The following FAM174B variants were observed in gnomAD, a reference collection of about 807,000 sequenced individuals.
FAM174B encodes the protein membrane protein FAM174B.
FAM174B carries 12 observed loss-of-function variants against 10.9 expected under a neutral mutation model. The observed-to-expected ratio is 1.10, with a 90% confidence interval of 0.71 to 1.79. FAM174B has a LOEUF of 1.79. Among genes scored for constraint, FAM174B ranks in the 40% most tolerant of loss-of-function variants. The probability of loss-of-function intolerance (pLI) is 0.00; values close to 1 mark genes in which losing one functional copy is unlikely to be tolerated. For synonymous variants in FAM174B, 132 were observed against 115.8 expected, an observed-to-expected ratio of 1.14 and a Z score of -0.90; for missense variants, 266 against 233.3, an observed-to-expected ratio of 1.14 and a Z score of -0.91.
chr15:92,630,852 C>CGTGTT lies in FAM174B; in HGVS notation c.345-508_345-507insAACAC, dbSNP rs1290375407. Among the ~76,000 whole-genome samples, 2 of 49,106 alleles carry CGTGTT rather than the reference C, an allele frequency of 4.1e-5. 1 individual carries two copies. The highest frequency in any genetic ancestry group is 1.3e-4 in the Non-Finnish European group (2 of 15,970). 32.2% of individuals were successfully genotyped at this position (49,106 alleles called of 152,430 possible). ...TATATATTATATATATTACATATTA[C>CGTGTT]ATGTTACATATTACATATTATATAT... On this transcript the variant is annotated intron_variant, in intron 1 of 2. Transcript: ENST00000327355.
chr15:92,630,890 A>ATTACATG (rs2050793240), intron 1 of FAM174B, among the ~76,000 whole-genome samples: 1 of 33,934 alleles, frequency 2.9e-5, no homozygotes, highest in African/African-American at 6.2e-5. Flanking sequence ...TATATTACGT[A>ATTACATG]TTACATATTA....
intron 1 of FAM174B, among the ~76,000 whole-genome samples, chr15:92,643,209 C>A (rs958661235): frequency 4.6e-5 from 7 of 151,872 alleles, no homozygotes; most frequent in Non-Finnish European, 2.9e-5. Context: ...ATCAAGCAAT[C>A]CTCCCATCTT....
chr15:92,654,398 G>C (rs2062173637), intron 1 of FAM174B, among the ~76,000 whole-genome samples: 1 of 152,190 alleles, frequency 6.6e-6, no homozygotes, highest in South Asian at 2.1e-4. Context: ...TAACAGGACA[G>C]GTTTGGTTCA....
intron 1 of FAM174B, among the ~76,000 whole-genome samples, chr15:92,640,377 C>T (rs1198686253): frequency 6.6e-6 from 1 of 151,684 alleles, no homozygotes; most frequent in African/African-American, 2.4e-5. Context: ...CATGGTGAAA[C>T]CCCATCTCTA....
intron 2 of FAM174B, among the ~76,000 whole-genome samples, chr15:92,627,882 G>C (rs1165127132): frequency 2.5e-4 from 38 of 152,266 alleles, no homozygotes; most frequent in Admixed American, 2.2e-3. Flanking sequence ...CAGATAAAAT[G>C]GCTTAGCGAT....
intron 1 of FAM174B, chr15:92,634,351 G>C (rs775388429): frequency 6.6e-6 from 1 of 152,244 alleles, no homozygotes; most frequent in Non-Finnish European, 1.5e-5. Flanking sequence ...ATTGGCCCTG[G>C]GGCAGGACTG....
At chr15:92,651,414 G>T (rs1217810696) in intron 1 of FAM174B, among the ~76,000 whole-genome samples, 1 of 152,118 alleles carries the variant, frequency 6.6e-6, no homozygotes, top group Non-Finnish European at 1.5e-5. Flanking sequence ...GATTGTAAAA[G>T]AATTCAAACT....
intron 2 of FAM174B, among the ~76,000 whole-genome samples, chr15:92,629,051 G>T (rs972830215): frequency 6.6e-6 from 1 of 152,158 alleles, no homozygotes. Flanking sequence ...GTCTTGTTGA[G>T]TCTGACAACT....
At position 92,655,634 on chromosome 15, in the gene FAM174B, G is replaced by C. The variant is rs1268152496; in HGVS notation, c.26C>G (p.Pro9Arg). The C allele has an allele frequency of 1.0e-5, 13 of 1,256,782 alleles. No homozygotes were observed. Among genetic ancestry groups the C allele is most frequent in the Non-Finnish European group, 1.3e-5 (13 of 1,005,522 alleles). The allele number at this position is 1,256,782 out of a possible 1,614,324, so 77.9% of individuals were successfully genotyped here. A position where few individuals can be genotyped will look rare whatever the true frequency, so the allele number is the denominator to read the frequency against. The change falls in exon 1 of 3, where the codon CCG becomes CGG. Residue 9 changes from proline to arginine, a missense_variant. Physicochemically the swap from Pro to Arg is moderately radical, Grantham distance 103 (BLOSUM62 -2). Coordinates refer to ENST00000327355, the MANE Select transcript of FAM174B (RefSeq NM_207446.3). Reference protein sequence around the residue: MRAVPLPAPLLPLLLLALL... With the variant: MRAVPLPARLLPLLLLALL... ...CGCGAGCAGCAGCAGCGGCAGGAGCGGGGCGGGCAGCGGCACGGCGCGCAT... is the reference window on the plus strand; with the variant it reads ...CGCGAGCAGCAGCAGCGGCAGGAGCCGGGCGGGCAGCGGCACGGCGCGCAT...
chr15:92,626,405 G>C (rs971274426), intron 2 of FAM174B, among the ~76,000 whole-genome samples: 1 of 152,076 alleles, frequency 6.6e-6, no homozygotes, highest in Non-Finnish European at 1.5e-5. Flanking sequence ...CCAGTTGCTG[G>C]ATTTTTTTTA....
intron 1 of FAM174B, among the ~76,000 whole-genome samples, chr15:92,641,449 C>T (rs546383558): frequency 1.3e-5 from 2 of 152,280 alleles, no homozygotes; most frequent in African/African-American, 4.8e-5. Flanking sequence ...AATTATGTTA[C>T]ATCCATATAA....
In FAM174B at chr15:92,619,290, G is replaced by T; in HGVS notation, c.*166C>A. ...CGTGGAAACGAGCTTGCCAGTGACA[G>T]TCTGAGCAGATGCCTGACACGCACG... On this transcript the variant is annotated 3_prime_UTR_variant, in exon 3 of 3. Transcript: ENST00000327355. 1 of 776,256 alleles carries T rather than the reference G, an allele frequency of 1.3e-6. No individual in the cohort carries two copies. The highest frequency in any genetic ancestry group is 2.3e-6 in the Non-Finnish European group (1 of 443,138). 48.1% of individuals were successfully genotyped at this position (776,256 alleles called of 1,614,324 possible).
rs200080757 is a variant in FAM174B, at chr15:92,655,457, G to C, written c.203C>G (p.Ser68Cys). The change falls in exon 1 of 3, where the codon TCC (serine) becomes TGC (cysteine). Residue 68 changes from serine (S) to cysteine (C), a missense_variant. Transcript: ENST00000327355. ...GGCGTCGCCACTGCTGTTGGAGCTG[G>C]AGCTGCCGCTGCCGCCCGCCGCCCC... ...GSGAAGGSGS[S>C]SSNSSGDALV... The C allele has an allele frequency of 1.9e-4, 111 of 584,572 alleles. No individual in the cohort carries two copies. Among genetic ancestry groups the C allele is most frequent in the Middle Eastern group, 4.5e-4 (1 of 2,224 alleles). The allele number at this position is 584,572 out of a possible 1,614,324, so 36.2% of individuals were successfully genotyped here.
intron 1 of FAM174B, among the ~76,000 whole-genome samples, chr15:92,642,089 G>A (rs2050895534): frequency 6.6e-6 from 1 of 152,184 alleles, no homozygotes; most frequent in Non-Finnish European, 1.5e-5. Context: ...AGCCATCAAT[G>A]CATTGCAAAT....
rs1376394967 is a variant in FAM174B at position 92,630,764 on chromosome 15, A to ATTTTT, written c.345-420_345-419insAAAAA. Among the ~76,000 whole-genome samples, 2 of 4,338 alleles carry ATTTTT rather than the reference A, an allele frequency of 4.6e-4. 1 individual carries two copies. Among genetic ancestry groups the ATTTTT allele is most frequent in the African/African-American group, 4.9e-4 (2 of 4,056 alleles). 2.8% of individuals were successfully genotyped at this position (4,338 alleles called of 152,430 possible). The stretch of plus-strand genomic sequence containing the variant: ...TATTTTTTATATTATATAATAATAT[A>ATTTTT]TAATAATAATATATTTTATATATTA... On this transcript the variant is annotated intron_variant, in intron 1 of 2. Transcript: ENST00000327355.
intron 2 of FAM174B, among the ~76,000 whole-genome samples, chr15:92,626,113 G>GA (rs1424055626): frequency 4.6e-5 from 3 of 65,704 alleles, no homozygotes; most frequent in Admixed American, 1.6e-4. Flanking sequence ...AAGGTTGCTG[G>GA]ATTTTTTTTT....
chr15:92,621,719 G>A (rs2050720723), intron 2 of FAM174B, among the ~76,000 whole-genome samples: 1 of 152,180 alleles, frequency 6.6e-6, no homozygotes, highest in Non-Finnish European at 1.5e-5. Context: ...AAGTTGTGCA[G>A]GAGGCTGGCT....
At chr15:92,635,153 ATC>A (rs2050845907) in intron 1 of FAM174B, among the ~76,000 whole-genome samples, 2 of 86,376 alleles carry the variant, frequency 2.3e-5, no homozygotes, top group African/African-American at 4.4e-5. Context: ...TTCGCTCACT[ATC>A]TCTCCACACA....
intron 1 of FAM174B, among the ~76,000 whole-genome samples, chr15:92,636,124 A>C (rs1211492786): frequency 6.6e-6 from 1 of 152,130 alleles, no homozygotes; most frequent in Non-Finnish European, 1.5e-5. Flanking sequence ...CTCTTCTCTA[A>C]GTGTAGATTC....
Sources: gnomAD v4.1 joint callset for allele counts (sites outside exome capture counted in the v4.1 genomes callset) on GRCh38, gnomAD v4.1.1 for gene constraint, MANE v1.5 for transcripts, NCBI Gene and HGNC (gene_info 2026-07-23, HGNC 2026-07-21) for gene names.